The following GOLGA2 variants were observed in gnomAD, a reference collection of about 807,000 sequenced individuals.
GOLGA2 encodes the protein golgin subfamily A member 2.
In GOLGA2, 49 loss-of-function variants were observed where a neutral mutation model predicts 148.8. That is an observed-to-expected ratio of 0.33 (90% CI 0.26 to 0.42). GOLGA2 has a LOEUF of 0.42. Ranked by LOEUF, GOLGA2 falls within the 10% of genes least tolerant of loss-of-function variation. GOLGA2 has a pLI of 1.00. For missense variants in GOLGA2, 1,178 were observed against 1,304.6 expected, an observed-to-expected ratio of 0.90 and a Z score of 1.49; for synonymous variants, 501 against 511.8, an observed-to-expected ratio of 0.98 and a Z score of 0.28.
At position 128,261,729 on chromosome 9, in the gene GOLGA2, G is replaced by A. The variant is rs1447729452; in HGVS notation, c.1163C>T (p.Ala388Val). 7.4e-6 allele frequency: 12 copies of A among 1,612,866 alleles called. No individual in the cohort carries two copies. The highest frequency in any genetic ancestry group is 1.0e-5 in the Non-Finnish European group (12 of 1,178,932). The part of the protein sequence containing the change: ...QFSSRCEAPD[A>V]NQQLQQAMEE... ...CATGGCCTGCTGTAACTGCTGGTTA[G>A]CATCAGGGGCTTCACACCGGCTTGA... is the stretch of plus-strand genomic sequence containing the variant. Residue 388 changes from alanine (A) to valine (V), a missense_variant, in exon 15 of 27, where the codon GCT (alanine) becomes GTT (valine). By Grantham distance (64) the Ala-to-Val change is moderately conservative. Around this residue, in one of 5 missense-constraint regions of GOLGA2, gnomAD observed 304 missense variants for 404.1 expected, o/e 0.75. Transcript: ENST00000611957. The surrounding 1 kb of genome is among the most constrained non-coding windows in gnomAD (Gnocchi z 5.7).
rs774365524 is a variant in GOLGA2, at chr9:128,257,529, G to C, written c.2719-4C>G. The C allele has an allele frequency of 6.2e-7, 1 of 1,614,068 alleles. No individual in the cohort carries two copies. The highest frequency in any genetic ancestry group is 8.5e-7 in the Non-Finnish European group (1 of 1,180,024). ...CCTGCAGCTCCAGCAGCTTCACCTG[G>C]AGGGAGGGGTGCTAAGCTGCCATGC... On this transcript the variant is annotated splice_region_variant and splice_polypyrimidine_tract_variant and intron_variant, in intron 25 of 26. Coordinates refer to ENST00000611957, the MANE Select transcript of GOLGA2 (RefSeq NM_001366244.2). The surrounding 1 kb of genome is among the most constrained non-coding windows in gnomAD (Gnocchi z 8.0).
At position 128,273,757 on chromosome 9, in the gene GOLGA2, T is replaced by G. The variant is rs546479834; in HGVS notation, c.207+93A>C. On this transcript the variant is annotated intron_variant, in intron 2 of 26. Coordinates refer to ENST00000611957, the MANE Select transcript of GOLGA2 (RefSeq NM_001366244.2). The stretch of plus-strand genomic sequence containing the variant: ...TAGGATACAAACCCAGAACTCTTAA[T>G]CAGTACCCAACAGTTCTTCCACAAT... 94 of 1,452,364 alleles carry G rather than the reference T, an allele frequency of 6.5e-5. 1 individual carries two copies. In the East Asian group the frequency reaches 2.1e-3, roughly 33 times the overall value. 90.0% of individuals were successfully genotyped at this position (1,452,364 alleles called of 1,614,324 possible). A position where few individuals can be genotyped will look rare whatever the true frequency, so the allele number is the denominator to read the frequency against.
Position 128,261,408 on chromosome 9 carries a change from A to G in GOLGA2, c.1332+46T>C, listed in dbSNP as rs768433525. 7.9e-7 allele frequency: 1 copy of G among 1,267,912 alleles called. No individual in the cohort carries two copies. 78.5% of individuals were successfully genotyped at this position (1,267,912 alleles called of 1,614,324 possible). A position where few individuals can be genotyped will look rare whatever the true frequency, so the allele number is the denominator to read the frequency against. On this transcript the variant is annotated intron_variant, in intron 16 of 26. Transcript: ENST00000611957. This position sits in a 1 kb window ranked among gnomAD's most constrained non-coding sequence, Gnocchi z 5.7. ...ATTTCGCAGATGCCCAGAAAGATCA[A>G]GTGACCTATCTAAGGTTGAGGGGGA...
In GOLGA2 at chr9:128,262,860, G is replaced by A. The variant is rs1223616028; in HGVS notation, c.993-156C>T. 4.0e-5 allele frequency: 33 copies of A among 824,098 alleles called. No homozygotes were observed. The East Asian group carries it at 4.5e-4, about 11-fold the overall frequency. 51.0% of individuals were successfully genotyped at this position (824,098 alleles called of 1,614,324 possible). On this transcript the variant is annotated intron_variant, in intron 13 of 26. Coordinates refer to ENST00000611957, the MANE Select transcript of GOLGA2 (RefSeq NM_001366244.2). ...CATGTACAGGCCAGAGAAAAGATAC[G>A]AGTTACCCAAGGCTACACCATGAGT...
intron 12 of GOLGA2, 117 bp downstream of exon 12, chr9:128,265,467 TA>T: frequency 1.2e-6 from 1 of 813,462 alleles, no homozygotes; most frequent in Non-Finnish European, 2.1e-6. Context: ...AAAGCAGTGA[TA>T]AATGGCCCAT....
chr9:128,270,714 C>G (rs767890877), intron 3 of GOLGA2, among the ~76,000 whole-genome samples: 11 of 151,934 alleles, frequency 7.2e-5, no homozygotes, highest in Non-Finnish European at 1.6e-4. Context: ...AAAAACAAAA[C>G]CTACATTGGA....
In GOLGA2 at chr9:128,257,901, A is replaced by G; in HGVS notation, c.2509-9T>C. The G allele has an allele frequency of 6.2e-7, 1 of 1,613,306 alleles. No individual in the cohort carries two copies. The highest frequency in any genetic ancestry group is 8.5e-7 in the Non-Finnish European group (1 of 1,179,258). On this transcript the variant is annotated splice_polypyrimidine_tract_variant and intron_variant, in intron 23 of 26. Transcript: ENST00000611957. This position sits in a 1 kb window ranked among gnomAD's most constrained non-coding sequence, Gnocchi z 8.0. Reference sequence around the variant, plus strand: ...AGCTCCATAAAGCGGCTCTGGAACCAAAATAATGGAGTCATATATCGGCAG... The same window carrying G: ...AGCTCCATAAAGCGGCTCTGGAACCGAAATAATGGAGTCATATATCGGCAG...
intron 4 of GOLGA2, 108 bp downstream of exon 4, chr9:128,268,312 G>C (rs1232652323): frequency 3.0e-5 from 31 of 1,027,236 alleles, no homozygotes; most frequent in Middle Eastern, 2.0e-4. Flanking sequence ...CCCCGGCCCG[G>C]TCCCCAGGAA....
At chr9:128,263,116 C>T (rs942911490) in intron 12 of GOLGA2, 24 bp from the exon 13 acceptor site, 3 of 1,517,276 alleles carry the variant, frequency 2.0e-6, no homozygotes, top group East Asian at 2.2e-5. Flanking sequence ...AAGGTTAAGT[C>T]AGGATATAGC....
In GOLGA2 at chr9:128,256,958, T is replaced by C. The variant is rs1473490453; in HGVS notation, c.*109A>G. 5 of 811,218 alleles carry C rather than the reference T, an allele frequency of 6.2e-6. No individual in the cohort carries two copies. The African/African-American group carries it at 8.6e-5, about 14-fold the overall frequency. The allele number at this position is 811,218 out of a possible 1,614,324, so 50.3% of individuals were successfully genotyped here. On this transcript the variant is annotated 3_prime_UTR_variant, in exon 27 of 27. Coordinates refer to ENST00000611957, the MANE Select transcript of GOLGA2 (RefSeq NM_001366244.2). ...TCTACCCCCGTTAGACAGGGGTCTA[T>C]GCTTGCTACTGTAAGGGTAAAGGGT...
At chr9:128,259,959 C>T (rs1003804193) in intron 19 of GOLGA2, 117 bp downstream of exon 19, 12 of 747,134 alleles carry the variant, frequency 1.6e-5, no homozygotes, top group Non-Finnish European at 2.9e-5. Context: ...CACAGGACTG[C>T]CCTGGAGGGT....
In GOLGA2 at chr9:128,275,809, G is replaced by A. The variant is rs972388662; in HGVS notation, c.84+84C>T. ...GGGGAGCCCAGCCCGGTGTGCCTCA[G>A]GAGTGGCAGAGACTCTGGCCATGGT... On this transcript the variant is annotated intron_variant, in intron 1 of 26. Transcript: ENST00000611957. The A allele has an allele frequency of 4.1e-6, 3 of 738,042 alleles. No individual in the cohort carries two copies. In the African/African-American group the frequency reaches 5.5e-5, roughly 14 times the overall value. The allele number at this position is 738,042 out of a possible 1,614,324, so 45.7% of individuals were successfully genotyped here.
rs773964982 is a variant in GOLGA2 at position 128,265,896 on chromosome 9, C to A, written c.733-15G>T. On this transcript the variant is annotated splice_polypyrimidine_tract_variant and intron_variant, in intron 10 of 26. Transcript: ENST00000611957. Reference sequence around the variant, plus strand: ...TGAATGTGAACCTTTGGGAGGAAACCCAAGCAAGTGCTGAAAAAGAAGGAA... The same window carrying A: ...TGAATGTGAACCTTTGGGAGGAAACACAAGCAAGTGCTGAAAAAGAAGGAA... The A allele has an allele frequency of 1.9e-6, 3 of 1,608,808 alleles. No individual in the cohort carries two copies. The highest frequency in any genetic ancestry group is 2.6e-6 in the Non-Finnish European group (3 of 1,175,232).
Position 128,261,621 on chromosome 9 carries a change from C to T in GOLGA2, c.1224+47G>A. The T allele has an allele frequency of 6.6e-7, 1 of 1,518,212 alleles. No homozygotes were observed. Among genetic ancestry groups the T allele is most frequent in the Non-Finnish European group, 9.2e-7 (1 of 1,092,482 alleles). 94.0% of individuals were successfully genotyped at this position (1,518,212 alleles called of 1,614,324 possible). On this transcript the variant is annotated intron_variant, in intron 15 of 26. Transcript: ENST00000611957. This position sits in a 1 kb window ranked among gnomAD's most constrained non-coding sequence, Gnocchi z 5.7. ...TCACTGGTTGTCACCTACTCCTGGC[C>T]ACCTGGGGTCATCTTCCTTCTACAT...
intron 12 of GOLGA2, among the ~76,000 whole-genome samples, chr9:128,263,760 G>T (rs967591034): frequency 6.6e-6 from 1 of 151,574 alleles, no homozygotes; most frequent in Non-Finnish European, 1.5e-5. Context: ...CAACATGTTG[G>T]CCAGGCTGGT....
At position 128,258,361 on chromosome 9, in the gene GOLGA2, G is replaced by T; in HGVS notation, c.2289+94C>A. On this transcript the variant is annotated intron_variant, in intron 22 of 26. Transcript: ENST00000611957. This position sits in a 1 kb window ranked among gnomAD's most constrained non-coding sequence, Gnocchi z 6.6. ...CCCAGGAAAGGGGTGAGGGTCCGAA[G>T]AAATCAGAAGGCCGGGAAACCAAGA... is the stretch of plus-strand genomic sequence containing the variant. 2 of 1,286,882 alleles carry T rather than the reference G, an allele frequency of 1.6e-6. No homozygotes were observed. The highest frequency in any genetic ancestry group is 2.3e-5 in the East Asian group (1 of 43,220). The allele number at this position is 1,286,882 out of a possible 1,614,324, so 79.7% of individuals were successfully genotyped here. A position where few individuals can be genotyped will look rare whatever the true frequency, so the allele number is the denominator to read the frequency against.
intron 12 of GOLGA2, among the ~76,000 whole-genome samples, chr9:128,263,736 TAG>T (rs1830418503): frequency 1.3e-5 from 2 of 151,712 alleles, no homozygotes; most frequent in South Asian, 4.2e-4. Context: ...TTATTTTTAA[TAG>T]AGAGGGGGTT....
chr9:128,272,494 A>G (rs1426672744), intron 3 of GOLGA2, among the ~76,000 whole-genome samples: 4 of 148,934 alleles, frequency 2.7e-5, no homozygotes, highest in Non-Finnish European at 6.0e-5. Flanking sequence ...AAAAAAGAAG[A>G]AAAAAAAAAG....
intron 3 of GOLGA2, among the ~76,000 whole-genome samples, chr9:128,269,029 A>G (rs571616826): frequency 6.6e-6 from 1 of 151,584 alleles, no homozygotes; most frequent in East Asian, 1.9e-4. Context: ...TGGCACAATC[A>G]TAGTTCACTG....
Sources: gnomAD v4.1 joint callset for allele counts (sites outside exome capture counted in the v4.1 genomes callset) on GRCh38, gnomAD v4.1.1 for gene constraint, gnomAD v4.1.1 regional missense constraint, Gnocchi (gnomAD v3.1) non-coding constraint, MANE v1.5 for transcripts, NCBI Gene and HGNC (gene_info 2026-07-23, HGNC 2026-07-21) for gene names.